LOXHD1: variants seen among roughly 807,000 people sequenced by gnomAD.
LOXHD1 encodes lipoxygenase homology PLAT domains 1.
In LOXHD1, 205 loss-of-function variants were observed where a neutral mutation model predicts 248.2. That is an observed-to-expected ratio of 0.83 (90% CI 0.74 to 0.93). The LOEUF (loss-of-function observed/expected upper bound fraction) is 0.93, where lower values mean the gene tolerates loss of function less well. Ranked by LOEUF, LOXHD1 falls within the 40% of genes least tolerant of loss-of-function variation. The pLI, the probability that LOXHD1 is intolerant of heterozygous loss-of-function variation, is 0.00. For synonymous variants in LOXHD1, 1,113 were observed against 1,162.8 expected (o/e 0.96, Z 0.87); for missense variants, 2,930 against 2,971.6 (o/e 0.99, Z 0.33).
chr18:46,564,666 A>G (rs908312562), intron 17 of LOXHD1, among the ~76,000 whole-genome samples: 2 of 152,172 alleles, frequency 1.3e-5, no homozygotes, highest in Non-Finnish European at 2.9e-5. Flanking sequence ...AGGTAAGGGA[A>G]CTATTGCTTT....
chr18:46,641,969 T>C lies in LOXHD1; in HGVS notation c.313A>G (p.Ile105Val), dbSNP rs1297459733. ...CCAGCTTCTCACCTGACTTTATAGA[T>C]GAGGCCCACATTGTTGGTTCTCACC... Reference protein sequence around the residue: ...FRVRTNNVGLIYKVRIEHDNT... With the variant: ...FRVRTNNVGLVYKVRIEHDNT... Residue 105 changes from isoleucine (I) to valine (V), a missense_variant, in exon 3 of 41, where the codon ATC becomes GTC. Physicochemically the swap from Ile to Val is conservative, Grantham distance 29. Transcript: ENST00000642948. The C allele has an allele frequency of 6.1e-5, 94 of 1,552,082 alleles. No homozygotes were observed. The highest frequency in any genetic ancestry group is 7.8e-5 in the Non-Finnish European group (89 of 1,147,054).
chr18:46,648,011 CT>C (rs1259988376), intron 2 of LOXHD1, among the ~76,000 whole-genome samples: 1 of 152,216 alleles, frequency 6.6e-6, no homozygotes, highest in Non-Finnish European at 1.5e-5. Context: ...AATCCTGGCA[CT>C]TTGGGAGGCT....
At chr18:46,508,085 AC>A (rs1306103932) in intron 35 of LOXHD1, among the ~76,000 whole-genome samples, 13 of 152,294 alleles carry the variant, frequency 8.5e-5, no homozygotes, top group African/African-American at 3.1e-4. Context: ...CAGAACGCTG[AC>A]ATTTGCAGGT....
chr18:46,522,161 A>G lies in LOXHD1; in HGVS notation c.5025T>C (p.Arg1675=). Residue 1675 remains arginine, a synonymous_variant, in exon 32 of 41, where the codon CGT becomes CGC. Transcript: ENST00000642948. Reference sequence around the variant, plus strand: ...CGACGTAGAACTCCTCCACAGAGCCACGGCTGAAGCCCCTCTTCCCTCGGG... The same window carrying G: ...CGACGTAGAACTCCTCCACAGAGCCGCGGCTGAAGCCCCTCTTCCCTCGGG... The part of the protein sequence containing the change: ...DYPRGKRGFS[R]GSVEEFYVAG... 1.9e-6 allele frequency: 3 copies of G among 1,551,672 alleles called. No individual in the cohort carries two copies. In the South Asian group the frequency reaches 3.6e-5, roughly 18 times the overall value.
intron 15 of LOXHD1, 134 bp downstream of exon 15, chr18:46,571,952 G>T: frequency 4.0e-6 from 3 of 744,196 alleles, no homozygotes; most frequent in Non-Finnish European, 2.3e-6. Flanking sequence ...CTCCCTCGGA[G>T]CCTCCCTCTC....
chr18:46,635,189 G>A (rs957448039), intron 4 of LOXHD1, among the ~76,000 whole-genome samples: 4 of 151,976 alleles, frequency 2.6e-5, no homozygotes, highest in African/African-American at 4.8e-5. Flanking sequence ...GTGTTGTGTC[G>A]GAAACACTGG....
Position 46,571,580 on chromosome 18 carries a change from A to G in LOXHD1, c.2047+506T>C, listed in dbSNP as rs1026758730. 2.0e-5 allele frequency among the ~76,000 whole-genome samples: 3 copies of G among 152,252 alleles called. No homozygotes were observed. In the East Asian group the frequency reaches 5.8e-4, roughly 29 times the overall value. ...CCTGACCATCTTCTGGGATTATTGCAGAGCTCAAATGAGATAATAAATGAC... is the reference window on the plus strand; with the variant it reads ...CCTGACCATCTTCTGGGATTATTGCGGAGCTCAAATGAGATAATAAATGAC... On this transcript the variant is annotated intron_variant, in intron 15 of 40. Coordinates refer to ENST00000642948, the MANE Select transcript of LOXHD1 (RefSeq NM_001384474.1).
At chr18:46,539,798 T>C (rs543210587) in intron 25 of LOXHD1, among the ~76,000 whole-genome samples, 1 of 152,210 alleles carries the variant, frequency 6.6e-6, no homozygotes, top group African/African-American at 2.4e-5. Flanking sequence ...AAAAAAAATT[T>C]AAGAAAAAAA....
chr18:46,545,845 G>C (rs1354576358), intron 22 of LOXHD1, among the ~76,000 whole-genome samples: 2 of 151,386 alleles, frequency 1.3e-5, no homozygotes, highest in African/African-American at 4.9e-5. Context: ...TAGCCGGGAT[G>C]GTCTCGATCT....
intron 3 of LOXHD1, 148 bp from the exon 4 acceptor site, chr18:46,639,948 TC>T: frequency 2.1e-6 from 2 of 968,700 alleles, no homozygotes; most frequent in Non-Finnish European, 3.1e-6. Context: ...GGTTTCCTCA[TC>T]TATAAAATGG....
chr18:46,615,072 T>C (rs960596235), intron 5 of LOXHD1, among the ~76,000 whole-genome samples: 1 of 152,236 alleles, frequency 6.6e-6, no homozygotes, highest in African/African-American at 2.4e-5. Context: ...AAGATCAGGC[T>C]ACATCATATA....
intron 14 of LOXHD1, among the ~76,000 whole-genome samples, chr18:46,574,773 C>T (rs2037823388): frequency 6.6e-6 from 1 of 152,180 alleles, no homozygotes; most frequent in South Asian, 2.1e-4. Flanking sequence ...TACCCTCAAC[C>T]TCACCATAAG....
chr18:46,518,397 A>C (rs993519900), intron 33 of LOXHD1, 141 bp from the exon 34 acceptor site: 76 of 1,052,090 alleles, frequency 7.2e-5, no homozygotes, highest in Non-Finnish European at 1.0e-4. Context: ...TCAACTGTAA[A>C]TGCCTGGACA....
chr18:46,551,248 A>G (rs1050255636), intron 21 of LOXHD1, among the ~76,000 whole-genome samples: 8 of 151,648 alleles, frequency 5.3e-5, no homozygotes, highest in Non-Finnish European at 1.2e-4. Flanking sequence ...GTCTACAGGC[A>G]CTCACCACCA....
chr18:46,601,840 T>C (rs1599041276), intron 7 of LOXHD1, among the ~76,000 whole-genome samples: 1 of 152,242 alleles, frequency 6.6e-6, no homozygotes, highest in Non-Finnish European at 1.5e-5. Flanking sequence ...AATTCTGTTA[T>C]GTCTAATCTA....
intron 14 of LOXHD1, 108 bp downstream of exon 14, chr18:46,577,599 T>C (rs568243154): frequency 6.9e-5 from 91 of 1,312,904 alleles, no homozygotes; most frequent in Non-Finnish European, 8.7e-5. Flanking sequence ...AGCTATAGCC[T>C]TAAGCCACTG....
At chr18:46,609,866 A>T (rs2144309249) in intron 6 of LOXHD1, among the ~76,000 whole-genome samples, 1 of 152,358 alleles carries the variant, frequency 6.6e-6, no homozygotes, top group East Asian at 1.9e-4. Flanking sequence ...GCTTCCTTCA[A>T]AATCAGGGCA....
Position 46,577,794 on chromosome 18 carries a change from C to G in LOXHD1, c.1883G>C (p.Gly628Ala). The G allele has an allele frequency of 6.4e-7, 1 of 1,551,662 alleles. No homozygotes were observed. Among genetic ancestry groups the G allele is most frequent in the African/African-American group, 1.4e-5 (1 of 73,136 alleles). Residue 628 changes from glycine to alanine, a missense_variant, in exon 14 of 41, where the codon GGC becomes GCC. Gly to Ala is a moderately conservative substitution (Grantham distance 60). Coordinates refer to ENST00000642948, the MANE Select transcript of LOXHD1 (RefSeq NM_001384474.1). ...RRVRIRHDGK[G>A]SGSGWYLDRV... Reference sequence around the variant, plus strand: ...GTCCAGGTACCAGCCGCTGCCGGAGCCTTTGCCATCGTGTCTGATCCTCAC... The same window carrying G: ...GTCCAGGTACCAGCCGCTGCCGGAGGCTTTGCCATCGTGTCTGATCCTCAC...
At chr18:46,528,841 C>A (rs1033757258) in intron 29 of LOXHD1, among the ~76,000 whole-genome samples, 1 of 152,194 alleles carries the variant, frequency 6.6e-6, no homozygotes, top group Non-Finnish European at 1.5e-5. Flanking sequence ...GCAGTGTTCA[C>A]CTCCACGTTC....
Sources: allele counts gnomAD v4.1 joint callset (sites outside exome capture counted in the v4.1 genomes callset), GRCh38; gene constraint gnomAD v4.1.1; transcripts MANE v1.5; gene names NCBI Gene and HGNC (gene_info 2026-07-23, HGNC 2026-07-21).